Variants in PCGF5 observed in about 807,000 individuals in gnomAD.
The protein encoded by PCGF5 is polycomb group ring finger 5, also known as polycomb group RING finger protein 5.
Under a neutral mutation model 44.3 loss-of-function variants are expected in PCGF5, and 9 were observed. The observed-to-expected ratio is 0.20, with a 90% CI of 0.12 to 0.35. The LOEUF is 0.35. Among genes scored for constraint, PCGF5 ranks in the 10% least tolerant of loss-of-function variants. The pLI, the probability that PCGF5 is intolerant of heterozygous loss-of-function variation, is 1.00. For missense variants in PCGF5, 146 were observed against 305.3 expected (o/e 0.48, Z 3.89); for synonymous variants, 95 against 102.5 (o/e 0.93, Z 0.44).
At chr10:91,185,518 T>C (rs950090376) in intron 1 of PCGF5, among the ~76,000 whole-genome samples, 1 of 152,228 alleles carries the variant, frequency 6.6e-6, no homozygotes, top group Non-Finnish European at 1.5e-5. Context: ...CCATCACTGC[T>C]GAGCCCCATG....
At chr10:91,158,930 G>C (rs773249368), upstream of PCGF5, among the ~76,000 whole-genome samples, 47 of 152,264 alleles carry the variant, frequency 3.1e-4, no homozygotes, top group Non-Finnish European at 2.4e-4. Context: ...ATACAGGTTT[G>C]CTGATAATTT....
rs1474083902 is a variant in PCGF5 at position 91,178,235 on chromosome 10, A to G, written c.-184+15154A>G. Among the ~76,000 whole-genome samples, 4 of 152,200 alleles carry G rather than the reference A, an allele frequency of 2.6e-5. No homozygotes were observed. The South Asian group carries it at 8.3e-4, about 32-fold the overall frequency. The stretch of plus-strand genomic sequence containing the variant: ...CAATAGGACAGCCATAATTATATCA[A>G]TAATGTCTAAAATTAATAAATCAAG... On this transcript the variant is annotated intron_variant, in intron 1 of 9. Coordinates refer to the PCGF5 transcript ENST00000614189.
At chr10:91,200,151 C>T (rs939819745) in intron 1 of PCGF5, among the ~76,000 whole-genome samples, 4 of 152,172 alleles carry the variant, frequency 2.6e-5, no homozygotes, top group African/African-American at 9.7e-5. Context: ...TGGGAGAGGG[C>T]CCAGCCTGCT....
In PCGF5 at chr10:91,276,412, G is replaced by T. The variant is rs1260183216; in HGVS notation, c.724-1857G>T. On this transcript the variant is annotated intron_variant, in intron 9 of 9. Transcript: ENST00000336126. ...AGAAACTGAAACGCAGGTCTATTTA[G>T]TGCAGTCACTTAACACTAAGAGGTA... is the stretch of plus-strand genomic sequence containing the variant. 3.9e-5 allele frequency among the ~76,000 whole-genome samples: 6 copies of T among 152,262 alleles called. No individual in the cohort carries two copies. In the South Asian group the frequency reaches 1.2e-3, roughly 32 times the overall value.
At position 91,175,096 on chromosome 10, in the gene PCGF5, C is replaced by T. The variant is rs76792462; in HGVS notation, c.-184+12015C>T. ...TGGAATTAGAGGCTTTGGAGTGGGGCATAAGCCTGAAAATGAGGGATAGGT... is the reference window on the plus strand; with the variant it reads ...TGGAATTAGAGGCTTTGGAGTGGGGTATAAGCCTGAAAATGAGGGATAGGT... On this transcript the variant is annotated intron_variant, in intron 1 of 9. Transcript: ENST00000614189. 7.4e-3 allele frequency among the ~76,000 whole-genome samples: 1,131 copies of T among 152,208 alleles called. 14 individuals carry two copies. Among genetic ancestry groups the T allele is most frequent in the African/African-American group, 0.026 (1,085 of 41,540 alleles).
At chr10:91,250,783 A>G (rs529547568) in intron 5 of PCGF5, among the ~76,000 whole-genome samples, 19 of 152,046 alleles carry the variant, frequency 1.2e-4, no homozygotes, top group Non-Finnish European at 2.7e-4. Context: ...ATACATGTTA[A>G]AAAGCTAATT....
At chr10:91,209,220 C>T (rs1844403458) in intron 1 of PCGF5, among the ~76,000 whole-genome samples, 1 of 152,084 alleles carries the variant, frequency 6.6e-6, no homozygotes, top group African/African-American at 2.4e-5. Flanking sequence ...AATATTTTCC[C>T]TTAGTCTATT....
At chr10:91,262,386 C>A (rs565055020) in intron 7 of PCGF5, among the ~76,000 whole-genome samples, 43 of 152,130 alleles carry the variant, frequency 2.8e-4, no homozygotes, top group Middle Eastern at 3.4e-3. Context: ...CGAGATCACG[C>A]CACTGCACTC....
At chr10:91,215,407 TAG>T (rs1327156973), upstream of PCGF5, among the ~76,000 whole-genome samples, 1 of 152,222 alleles carries the variant, frequency 6.6e-6, no homozygotes, top group African/African-American at 2.4e-5. Context: ...TCCAAAAAGC[TAG>T]AAAAGGAGAA....
chr10:91,249,777 TAAC>T (rs150220551), intron 5 of PCGF5, among the ~76,000 whole-genome samples: 1 of 151,820 alleles, frequency 6.6e-6, no homozygotes, highest in Non-Finnish European at 1.5e-5. Flanking sequence ...TTTTTATCTG[TAAC>T]AACAACAACA....
At chr10:91,248,418 A>G (rs1339866849) in intron 3 of PCGF5, 87 bp from the exon 4 acceptor site, 2 of 1,191,486 alleles carry the variant, frequency 1.7e-6, no homozygotes, top group African/African-American at 1.5e-5. Flanking sequence ...ATTTTGTAAC[A>G]TGTATAAGAT....
chr10:91,192,429 A>G (rs1589361231), intron 1 of PCGF5, among the ~76,000 whole-genome samples: 1 of 152,246 alleles, frequency 6.6e-6, no homozygotes, highest in Non-Finnish European at 1.5e-5. Context: ...GACCACAGCC[A>G]TGGGAAAATA....
At chr10:91,194,010 A>G (rs552549159) in intron 1 of PCGF5, among the ~76,000 whole-genome samples, 1 of 152,296 alleles carries the variant, frequency 6.6e-6, no homozygotes. Flanking sequence ...AGAAAAATGG[A>G]GTTGTTATCA....
At chr10:91,246,801 ATGAC>A (rs1564647918) in intron 3 of PCGF5, among the ~76,000 whole-genome samples, 3 of 152,108 alleles carry the variant, frequency 2.0e-5, no homozygotes, top group South Asian at 4.1e-4. Context: ...AAGCGAGACA[ATGAC>A]TGGGCTACTT....
At chr10:91,171,187 T>A (rs746693050) in intron 1 of PCGF5, among the ~76,000 whole-genome samples, 12 of 152,156 alleles carry the variant, frequency 7.9e-5, no homozygotes, top group Non-Finnish European at 1.6e-4. Flanking sequence ...TCCAAATCCC[T>A]AGAATGTAGA....
chr10:91,273,051 T>A (rs994206921), intron 9 of PCGF5, among the ~76,000 whole-genome samples: 1 of 152,232 alleles, frequency 6.6e-6, no homozygotes, highest in Non-Finnish European at 1.5e-5. Flanking sequence ...TGCTATGATA[T>A]GGGAATTCTC....
intron 1 of PCGF5, among the ~76,000 whole-genome samples, chr10:91,206,134 A>G (rs754469738): frequency 2.6e-5 from 4 of 152,242 alleles, no homozygotes; most frequent in Admixed American, 6.5e-5. Flanking sequence ...AGTGCCACAA[A>G]TATTTATCGG....
intron 1 of PCGF5, among the ~76,000 whole-genome samples, chr10:91,191,028 T>A (rs1396743060): frequency 2.0e-5 from 3 of 152,192 alleles, no homozygotes; most frequent in Non-Finnish European, 4.4e-5. Flanking sequence ...TTACAGTAGT[T>A]CTCCCTGATC....
At chr10:91,174,342 A>G (rs1843663696) in intron 1 of PCGF5, among the ~76,000 whole-genome samples, 1 of 152,044 alleles carries the variant, frequency 6.6e-6, no homozygotes, top group Admixed American at 6.5e-5. Context: ...CCCCATCTTT[A>G]CTAAAAATAC....
Sources: gnomAD v4.1 joint callset for allele counts (sites outside exome capture counted in the v4.1 genomes callset) on GRCh38, gnomAD v4.1.1 for gene constraint, MANE v1.5 for transcripts, NCBI Gene and HGNC (gene_info 2026-07-23, HGNC 2026-07-21) for gene names.